Variants in SAXO2 observed in about 807,000 individuals in gnomAD.
SAXO2 encodes the protein stabilizer of axonemal microtubules 2.
A neutral mutation model predicts 18.7 loss-of-function variants in SAXO2; 17 were observed. The observed-to-expected ratio is 0.91, with a 90% confidence interval of 0.62 to 1.36. The LOEUF is 1.36. Ranked by LOEUF, SAXO2 falls within the 40% of genes most tolerant of loss-of-function variation. The probability of loss-of-function intolerance (pLI) is 0.00; values close to 1 mark genes in which losing one functional copy is unlikely to be tolerated. For synonymous variants in SAXO2, 163 were observed against 181.2 expected, an observed-to-expected ratio of 0.90 and a Z score of 0.81; for missense variants, 486 against 562.6, an observed-to-expected ratio of 0.86 and a Z score of 1.38.
At chr15:82,263,329 A>C (rs1249608255) in intron 1 of SAXO2, 1 of 910,382 alleles carries the variant, frequency 1.1e-6, no homozygotes, top group South Asian at 1.4e-5. Context: ...CTGAGTCTGC[A>C]ACCCATATCA....
chr15:82,265,878 T>G, intron 2 of SAXO2, 130 bp downstream of exon 2: 1 of 522,820 alleles, frequency 1.9e-6, no homozygotes. Flanking sequence ...GTCAAGAGAC[T>G]AGTTAAGTCA....
Position 82,282,743 on chromosome 15 carries a change from A to G in SAXO2, c.1058A>G (p.Glu353Gly). The change falls in exon 4 of 4, where the codon GAA (glutamate) becomes GGA (glycine). Residue 353 changes from glutamate (E) to glycine (G), a missense_variant. Coordinates refer to ENST00000682753, the MANE Select transcript of SAXO2 (RefSeq NM_001348699.2). ...ATGAAAGAAGATTTTCCAGCATGGG[A>G]AAGTTGTCGTCAAGGACTTATTAAG... ...SIMKEDFPAW[E>G]SCRQGLIKKQ... 2 of 1,614,202 alleles carry G rather than the reference A, an allele frequency of 1.2e-6. No individual in the cohort carries two copies. The highest frequency in any genetic ancestry group is 1.7e-6 in the Non-Finnish European group (2 of 1,180,030).
intron 2 of SAXO2, 39 bp downstream of exon 2, chr15:82,265,787 C>G (rs1327540065): frequency 1.4e-6 from 2 of 1,450,858 alleles, no homozygotes; most frequent in African/African-American, 2.9e-5. Context: ...TTATTTTTCT[C>G]TCAACTCTTC....
intron 2 of SAXO2, among the ~76,000 whole-genome samples, chr15:82,266,402 A>G (rs1452977989): frequency 6.6e-6 from 1 of 152,236 alleles, no homozygotes; most frequent in Admixed American, 6.5e-5. Flanking sequence ...TTCTCTGCTT[A>G]AGATACTCTT....
chr15:82,282,520 C>G lies in SAXO2; in HGVS notation c.835C>G (p.Arg279Gly), dbSNP rs779831026. 1.2e-6 allele frequency: 2 copies of G among 1,614,092 alleles called. No homozygotes were observed. Among genetic ancestry groups the G allele is most frequent in the Admixed American group, 1.7e-5 (1 of 60,026 alleles). ...TCTGTTTGAAGGAAGCACTGAATTC[C>G]GTGAAAGTTTTCAACCATGGGAAAT... ...NALFEGSTEF[R>G]ESFQPWEIPP... The change falls in exon 4 of 4, where the codon CGT becomes GGT. Residue 279 changes from arginine (R) to glycine (G), a missense_variant. By Grantham distance (125) the Arg-to-Gly change is moderately radical (BLOSUM62 -2). Coordinates refer to ENST00000682753, the MANE Select transcript of SAXO2 (RefSeq NM_001348699.2).
At chr15:82,265,377 T>C (rs993974054) in intron 1 of SAXO2, among the ~76,000 whole-genome samples, 192 bp from the exon 2 acceptor site, 3 of 152,146 alleles carry the variant, frequency 2.0e-5, no homozygotes, top group East Asian at 1.9e-4. Context: ...CTCCTGACTT[T>C]GGGATCCGCC....
intron 1 of SAXO2, chr15:82,263,396 G>A (rs754486898): frequency 4.0e-5 from 29 of 723,178 alleles, no homozygotes; most frequent in African/African-American, 1.7e-5. Context: ...TCCCATTCCC[G>A]TCCAGGCAGC....
rs1327972219 is a variant in SAXO2, at chr15:82,284,161, A to C, written c.*1099A>C. 6.6e-6 allele frequency: 1 copy of C among 152,198 alleles called. No homozygotes were observed. The highest frequency in any genetic ancestry group is 2.4e-5 in the African/African-American group (1 of 41,446). 9.4% of individuals were successfully genotyped at this position (152,198 alleles called of 1,614,324 possible). On this transcript the variant is annotated 3_prime_UTR_variant, in exon 4 of 4. Transcript: ENST00000682753. Reference sequence around the variant, plus strand: ...GGAGGATTTTTTTTTAAAATTGCTCAATCTCTTTTTGTACTTGTTTTCTCC... The same window carrying C: ...GGAGGATTTTTTTTTAAAATTGCTCCATCTCTTTTTGTACTTGTTTTCTCC...
chr15:82,274,408 A>C (rs1433193447), intron 3 of SAXO2, among the ~76,000 whole-genome samples: 1 of 152,044 alleles, frequency 6.6e-6, no homozygotes, highest in Non-Finnish European at 1.5e-5. Flanking sequence ...TTTAAAAACA[A>C]TTCTACAGCT....
intron 3 of SAXO2, among the ~76,000 whole-genome samples, chr15:82,279,032 G>T (rs117736548): frequency 0.028 from 4,252 of 152,112 alleles, 90 homozygotes; most frequent in Non-Finnish European, 0.043. Flanking sequence ...AAGCAAAGCA[G>T]AAGGAAATAA....
intron 2 of SAXO2, among the ~76,000 whole-genome samples, chr15:82,267,164 T>A (rs2075226655): frequency 6.6e-6 from 1 of 152,092 alleles, no homozygotes; most frequent in African/African-American, 2.4e-5. Flanking sequence ...CCTCAGGAGG[T>A]CCCAATAATA....
At chr15:82,275,763 G>A (rs2075309802) in intron 3 of SAXO2, among the ~76,000 whole-genome samples, 2 of 152,090 alleles carry the variant, frequency 1.3e-5, no homozygotes, top group South Asian at 4.1e-4. Flanking sequence ...ACTAGGCATT[G>A]AAGGAACATA....
intron 3 of SAXO2, 24 bp from the exon 4 acceptor site, chr15:82,282,095 T>C: frequency 6.5e-7 from 1 of 1,541,148 alleles, no homozygotes; most frequent in South Asian, 1.2e-5. Context: ...TTAAAAATGT[T>C]TTTGCTTTGT....
chr15:82,276,777 T>G (rs1370432340), intron 3 of SAXO2, among the ~76,000 whole-genome samples: 1 of 151,944 alleles, frequency 6.6e-6, no homozygotes, highest in Non-Finnish European at 1.5e-5. Context: ...AAATTAACAA[T>G]GTTTTCAGAC....
chr15:82,272,907 G>A (rs1045725373), intron 3 of SAXO2, among the ~76,000 whole-genome samples: 18 of 151,346 alleles, frequency 1.2e-4, no homozygotes, highest in Non-Finnish European at 2.1e-4. Flanking sequence ...TTTAAACACA[G>A]GCTGTTTTTT....
intron 1 of SAXO2, among the ~76,000 whole-genome samples, chr15:82,263,746 G>A (rs2075169291): frequency 6.6e-6 from 1 of 152,110 alleles, no homozygotes; most frequent in Admixed American, 6.5e-5. Context: ...AGACTGGTGT[G>A]CAGGAGAAAA....
chr15:82,264,699 C>T (rs1207956322), intron 1 of SAXO2: 8 of 702,354 alleles, frequency 1.1e-5, no homozygotes, highest in South Asian at 3.0e-5. Flanking sequence ...GAGCCACTGC[C>T]TCTGCCATAA....
At chr15:82,279,952 G>A (rs1332437382) in intron 3 of SAXO2, among the ~76,000 whole-genome samples, 1 of 152,164 alleles carries the variant, frequency 6.6e-6, no homozygotes, top group African/African-American at 2.4e-5. Context: ...TAAAAAGTGA[G>A]CTGAGGAAAC....
At chr15:82,266,762 T>C (rs1171734081) in intron 2 of SAXO2, among the ~76,000 whole-genome samples, 1 of 152,250 alleles carries the variant, frequency 6.6e-6, no homozygotes, top group Non-Finnish European at 1.5e-5. Context: ...CTTCCTGTTA[T>C]TTATCATTAG....
Sources: gnomAD v4.1 joint callset for allele counts (sites outside exome capture counted in the v4.1 genomes callset) on GRCh38, gnomAD v4.1.1 for gene constraint, MANE v1.5 for transcripts, NCBI Gene and HGNC (gene_info 2026-07-23, HGNC 2026-07-21) for gene names.